The following GSR variants were observed in gnomAD, a reference collection of about 807,000 sequenced individuals.
The protein encoded by GSR is glutathione-disulfide reductase.
Under a neutral mutation model 56.5 loss-of-function variants are expected in GSR, and 48 were observed. The ratio of observed to expected loss-of-function variants is 0.85; its 90% confidence interval spans 0.67 to 1.08. The LOEUF is 1.08. Among genes scored for constraint, GSR ranks in the 50% least tolerant of loss-of-function variants. The pLI, the probability that GSR is intolerant of heterozygous loss-of-function variation, is 0.00. For missense variants in GSR, 694 were observed against 703.3 expected, an observed-to-expected ratio of 0.99 and a Z score of 0.15; for synonymous variants, 264 against 270.8, an observed-to-expected ratio of 0.97 and a Z score of 0.25.
intron 5 of GSR, 99 bp from the exon 6 acceptor site, chr8:30,700,234 A>G (rs1194327873): frequency 1.1e-6 from 1 of 879,498 alleles, no homozygotes; most frequent in Non-Finnish European, 1.9e-6. Context: ...TTCACAGCCA[A>G]CATAGTCTCC....
intron 8 of GSR, 82 bp from the exon 9 acceptor site, chr8:30,689,401 T>G: frequency 8.8e-7 from 1 of 1,142,544 alleles, no homozygotes; most frequent in Non-Finnish European, 1.3e-6. Flanking sequence ...CAGAGGAAAC[T>G]AGAATTTTTA....
intron 9 of GSR, among the ~76,000 whole-genome samples, chr8:30,685,523 C>G (rs1321107137): frequency 6.6e-6 from 1 of 152,144 alleles, no homozygotes; most frequent in Non-Finnish European, 1.5e-5. Context: ...AACAAAAACA[C>G]ATATTGATGT....
intron 1 of GSR, among the ~76,000 whole-genome samples, chr8:30,722,668 G>C (rs1804583868): frequency 6.7e-6 from 1 of 149,444 alleles, no homozygotes; most frequent in African/African-American, 2.5e-5. Flanking sequence ...GGAGTTCAAG[G>C]TTGCAGTGAG....
chr8:30,720,392 C>A (rs1353476361), intron 1 of GSR, among the ~76,000 whole-genome samples: 1 of 152,168 alleles, frequency 6.6e-6, no homozygotes, highest in East Asian at 1.9e-4. Context: ...ATCGATTTAT[C>A]AACTCAATTA....
At chr8:30,712,305 T>C (rs916547539) in intron 1 of GSR, among the ~76,000 whole-genome samples, 2 of 152,172 alleles carry the variant, frequency 1.3e-5, no homozygotes, top group Non-Finnish European at 2.9e-5. Flanking sequence ...GCATTTTTCT[T>C]GGACGGAGAA....
rs745674409 is a variant in GSR, at chr8:30,696,390, C to T, written c.785G>A (p.Arg262Gln). 3.0e-5 allele frequency: 48 copies of T among 1,590,450 alleles called. No individual in the cohort carries two copies. The highest frequency in any genetic ancestry group is 3.8e-5 in the Non-Finnish European group (44 of 1,158,616). ...AAAGGTGGCATTTACCTTATCATGC[C>T]GTATCATCAGTGATGTCTTAGAACC... ...ALGSKTSLMI[R>Q]HDKVLRSFDS... The change falls in exon 7 of 13, where the codon CGG becomes CAG. Residue 262 changes from arginine (R) to glutamine (Q), a missense_variant. Transcript: ENST00000221130.
At chr8:30,712,729 A>G (rs936744299) in intron 1 of GSR, among the ~76,000 whole-genome samples, 2 of 152,354 alleles carry the variant, frequency 1.3e-5, no homozygotes, top group African/African-American at 4.8e-5. Context: ...GATACTGGTG[A>G]ATACTCACCA....
chr8:30,710,714 C>CAAAAAAAAAAAAAAAA (rs60532553), intron 2 of GSR, among the ~76,000 whole-genome samples: 4 of 51,030 alleles, frequency 7.8e-5, no homozygotes, highest in African/African-American at 2.6e-4. Context: ...GACTCTGTCT[C>CAAAAAAAAAAAAAAAA]AAAAAAAAAA....
intron 5 of GSR, among the ~76,000 whole-genome samples, chr8:30,701,635 C>CA (rs35866797): frequency 0.45 from 67,097 of 149,830 alleles, 17,259 homozygotes; most frequent in Non-Finnish European, 0.56. Context: ...ACTAAAAATA[C>CA]AAAAAAAATT....
At chr8:30,709,088 T>C (rs747776751) in intron 3 of GSR, among the ~76,000 whole-genome samples, 4 of 152,064 alleles carry the variant, frequency 2.6e-5, no homozygotes, top group Non-Finnish European at 5.9e-5. Flanking sequence ...CTGGGCACAG[T>C]GGCTCACACT....
intron 2 of GSR, among the ~76,000 whole-genome samples, chr8:30,710,439 G>A (rs997138240): frequency 6.6e-6 from 1 of 151,150 alleles, no homozygotes; most frequent in Non-Finnish European, 1.5e-5. Context: ...ACACAAGGCC[G>A]GGCACAGTGG....
chr8:30,681,108 T>C, intron 11 of GSR, 71 bp from the exon 12 acceptor site: 1 of 1,240,870 alleles, frequency 8.1e-7, no homozygotes, highest in Admixed American at 1.7e-5. Flanking sequence ...AAGAGGGAGA[T>C]GACCAGAAAT....
At chr8:30,724,039 T>C (rs1377273952) in intron 1 of GSR, among the ~76,000 whole-genome samples, 1 of 152,156 alleles carries the variant, frequency 6.6e-6, no homozygotes, top group Non-Finnish European at 1.5e-5. Flanking sequence ...CGTTAGAAAT[T>C]AATGGATTTT....
intron 5 of GSR, among the ~76,000 whole-genome samples, chr8:30,701,415 A>G (rs944733250): frequency 2.6e-5 from 4 of 151,684 alleles, no homozygotes; most frequent in Non-Finnish European, 4.4e-5. Context: ...GCAGTGAGCC[A>G]AGATCCTCCC....
At chr8:30,684,757 G>GC (rs1563526714) in intron 9 of GSR, among the ~76,000 whole-genome samples, 1 of 150,162 alleles carries the variant, frequency 6.7e-6, no homozygotes, top group East Asian at 1.9e-4. Flanking sequence ...TGTTTATTTA[G>GC]TTTTTTTTTA....
chr8:30,701,023 T>C (rs1803719403), intron 5 of GSR, among the ~76,000 whole-genome samples: 1 of 152,146 alleles, frequency 6.6e-6, no homozygotes, highest in African/African-American at 2.4e-5. Flanking sequence ...TATTTAGAAC[T>C]GAACCTTAAT....
chr8:30,682,667 A>C (rs1437290774), intron 10 of GSR, among the ~76,000 whole-genome samples: 2 of 152,272 alleles, frequency 1.3e-5, no homozygotes, highest in Non-Finnish European at 2.9e-5. Flanking sequence ...CCTGGCAGTT[A>C]ATCTACTTAA....
chr8:30,719,104 A>ATT (rs35944160), intron 1 of GSR, among the ~76,000 whole-genome samples: 2 of 73,658 alleles, frequency 2.7e-5, no homozygotes, highest in Non-Finnish European at 5.4e-5. Flanking sequence ...TAATTTTTAA[A>ATT]TTTTTTTTTT....
chr8:30,682,554 A>G (rs573732522), intron 10 of GSR, among the ~76,000 whole-genome samples: 2 of 152,340 alleles, frequency 1.3e-5, no homozygotes, highest in African/African-American at 4.8e-5. Context: ...AAATATTCCA[A>G]AATCTGAAAC....
Sources: gnomAD v4.1 joint callset for allele counts (sites outside exome capture counted in the v4.1 genomes callset) on GRCh38, gnomAD v4.1.1 for gene constraint, MANE v1.5 for transcripts, NCBI Gene and HGNC (gene_info 2026-07-23, HGNC 2026-07-21) for gene names.